The following ADGRV1 variants were observed in gnomAD, a reference collection of about 807,000 sequenced individuals.
ADGRV1 encodes adhesion G protein-coupled receptor V1, also known as G-protein coupled receptor 98.
A neutral mutation model predicts 596.2 loss-of-function variants in ADGRV1; 359 were observed. The observed-to-expected ratio is 0.60, with a 90% CI of 0.55 to 0.66. The LOEUF (loss-of-function observed/expected upper bound fraction) is 0.66, where lower values mean the gene tolerates loss of function less well. Ranked by LOEUF, ADGRV1 falls within the 30% of genes least tolerant of loss-of-function variation. The pLI is 0.00. For missense variants in ADGRV1, 7,274 were observed against 7,575.6 expected, an observed-to-expected ratio of 0.96 and a Z score of 1.48; for synonymous variants, 2,681 against 2,679.2, an observed-to-expected ratio of 1.00 and a Z score of -0.02.
At chr5:90,689,355 T>TTC (rs1746155989) in intron 29 of ADGRV1, among the ~76,000 whole-genome samples, 1 of 128,942 alleles carries the variant, frequency 7.8e-6, no homozygotes, top group East Asian at 2.4e-4. Context: ...TTTTTTTTTT[T>TTC]CTCTCCTGCC....
At chr5:91,031,519 G>T (rs1011775932) in intron 85 of ADGRV1, among the ~76,000 whole-genome samples, 2 of 152,198 alleles carry the variant, frequency 1.3e-5, no homozygotes, top group African/African-American at 4.8e-5. Flanking sequence ...TCACCAGGCT[G>T]GGAGAAAGGT....
At chr5:90,861,793 G>A (rs988944669) in intron 82 of ADGRV1, among the ~76,000 whole-genome samples, 2 of 152,100 alleles carry the variant, frequency 1.3e-5, no homozygotes, top group African/African-American at 2.4e-5. Context: ...TAAGTATTTA[G>A]TATATAGTGT....
At position 90,684,052 on chromosome 5, in the gene ADGRV1, C is replaced by T. The variant is rs1389257379; in HGVS notation, c.6131C>T (p.Ser2044Phe). The T allele has an allele frequency of 1.9e-6, 3 of 1,613,828 alleles. No individual in the cohort carries two copies. The highest frequency in any genetic ancestry group is 2.7e-5 in the African/African-American group (2 of 74,910). Residue 2044 changes from serine to phenylalanine, a missense_variant, in exon 28 of 90, where the codon TCT becomes TTT. Transcript: ENST00000405460. Reference sequence around the variant, plus strand: ...CAAGGAAGAGACTATATACCAGCTTCTGGATTTGCTCTTTTTGGAGCTAAT... The same window carrying T: ...CAAGGAAGAGACTATATACCAGCTTTTGGATTTGCTCTTTTTGGAGCTAAT... ...ATQGRDYIPA[S>F]GFALFGANQS...
chr5:90,985,570 CA>C, intron 85 of ADGRV1, 48 bp downstream of exon 85: 2 of 1,459,738 alleles, frequency 1.4e-6, no homozygotes, highest in Non-Finnish European at 1.9e-6. Flanking sequence ...TGTACCTAAG[CA>C]GATTTCGTTG....
At chr5:90,595,759 C>T (rs1760379346) in intron 1 of ADGRV1, among the ~76,000 whole-genome samples, 1 of 144,148 alleles carries the variant, frequency 6.9e-6, no homozygotes, top group African/African-American at 2.6e-5. Context: ...CCCCTCACCT[C>T]CCGGACGGGG....
chr5:91,011,345 T>C (rs1377692934), intron 85 of ADGRV1, among the ~76,000 whole-genome samples: 2 of 151,968 alleles, frequency 1.3e-5, no homozygotes, highest in African/African-American at 4.8e-5. Context: ...CAAGAACATA[T>C]TATTTCTAGT....
chr5:90,569,378 T>C (rs1186946820), intron 1 of ADGRV1, among the ~76,000 whole-genome samples: 4 of 27,946 alleles, frequency 1.4e-4, no homozygotes, highest in Non-Finnish European at 2.6e-4. Context: ...TATATATATA[T>C]ATATATATAT....
chr5:90,713,161 GGTTTTTTTTA>G (rs1749607608), intron 42 of ADGRV1, among the ~76,000 whole-genome samples: 1 of 151,698 alleles, frequency 6.6e-6, no homozygotes, highest in African/African-American at 2.4e-5. Flanking sequence ...TGGCTGAGCT[GGTTTTTTTTA>G]AAAAAAATTT....
At chr5:90,740,382 T>C (rs1249115354) in intron 50 of ADGRV1, among the ~76,000 whole-genome samples, 1 of 152,116 alleles carries the variant, frequency 6.6e-6, no homozygotes, top group African/African-American at 2.4e-5. Context: ...ACTCTAGAGC[T>C]TGGTTGGGTT....
intron 74 of ADGRV1, among the ~76,000 whole-genome samples, chr5:90,813,887 A>G (rs1762675688): frequency 6.6e-6 from 1 of 152,130 alleles, no homozygotes; most frequent in Non-Finnish European, 1.5e-5. Flanking sequence ...TTTAGTTTTG[A>G]TTTTGATCAT....
intron 86 of ADGRV1, among the ~76,000 whole-genome samples, chr5:91,096,004 C>T (rs1790829810): frequency 6.6e-6 from 1 of 150,686 alleles, no homozygotes; most frequent in South Asian, 2.1e-4. Flanking sequence ...AGGTGATCCC[C>T]CCACCTCAGC....
intron 85 of ADGRV1, among the ~76,000 whole-genome samples, chr5:91,014,202 G>A (rs1782991822): frequency 1.2e-5 from 1 of 83,486 alleles, no homozygotes; most frequent in South Asian, 3.9e-4. Flanking sequence ...AACCAGGGAG[G>A]TGAAAGAACT....
chr5:90,801,012 A>G (rs1761309956), intron 70 of ADGRV1, among the ~76,000 whole-genome samples: 2 of 152,156 alleles, frequency 1.3e-5, no homozygotes, highest in Admixed American at 1.3e-4. Flanking sequence ...TGGCATATGT[A>G]TACCTATGTA....
intron 22 of ADGRV1, among the ~76,000 whole-genome samples, chr5:90,673,601 A>C (rs533601287): frequency 1.3e-5 from 2 of 152,070 alleles, no homozygotes; most frequent in African/African-American, 4.8e-5. Flanking sequence ...GTGTCTGGTG[A>C]GGGCTTACTC....
chr5:90,915,121 C>A (rs1278964868), intron 83 of ADGRV1, among the ~76,000 whole-genome samples: 1 of 152,020 alleles, frequency 6.6e-6, no homozygotes, highest in Non-Finnish European at 1.5e-5. Flanking sequence ...AAAAAATGTT[C>A]AGTATTATTA....
At chr5:90,937,229 G>C (rs1775770505) in intron 83 of ADGRV1, among the ~76,000 whole-genome samples, 1 of 151,988 alleles carries the variant, frequency 6.6e-6, no homozygotes, top group Non-Finnish European at 1.5e-5. Flanking sequence ...AAAATTCTCA[G>C]CAATACTTTT....
intron 89 of ADGRV1, 83 bp from the exon 90 acceptor site, chr5:91,163,699 G>C: frequency 3.3e-6 from 2 of 612,048 alleles, no homozygotes; most frequent in Admixed American, 2.9e-5. Flanking sequence ...AAATAAACAG[G>C]CTTGGACCTA....
chr5:90,751,449 G>A (rs563565433), intron 53 of ADGRV1, among the ~76,000 whole-genome samples: 3 of 152,268 alleles, frequency 2.0e-5, no homozygotes, highest in Admixed American at 1.3e-4. Flanking sequence ...CCTAGCAGCC[G>A]AGGGATGGGT....
intron 88 of ADGRV1, 36 bp downstream of exon 88, chr5:91,150,257 G>GTCTCTGTCTCTCTC (rs1795935208): frequency 7.1e-7 from 1 of 1,411,354 alleles, no homozygotes; most frequent in African/African-American, 1.5e-5. Flanking sequence ...CTGTCTCTCT[G>GTCTCTGTCTCTCTC]TCTCTGTCTC....
Sources: gnomAD v4.1 joint callset for allele counts (sites outside exome capture counted in the v4.1 genomes callset) on GRCh38, gnomAD v4.1.1 for gene constraint, MANE v1.5 for transcripts, NCBI Gene and HGNC (gene_info 2026-07-23, HGNC 2026-07-21) for gene names.